CYRIB: variants seen among roughly 807,000 people sequenced by gnomAD.
CYRIB encodes CYFIP related Rac1 interactor B.
Under a neutral mutation model 44.2 loss-of-function variants are expected in CYRIB, and 8 were observed. That is an observed-to-expected ratio of 0.18 (90% confidence interval 0.11 to 0.33). CYRIB has a LOEUF of 0.33. Among genes scored for constraint, CYRIB ranks in the 10% least tolerant of loss-of-function variants. The pLI is 1.00. For missense variants in CYRIB, 185 were observed against 382.8 expected (o/e 0.48, Z 4.31); for synonymous variants, 131 against 127.2 (o/e 1.03, Z -0.20).
chr8:129,923,805 G>C (rs1261642552), intron 1 of CYRIB, among the ~76,000 whole-genome samples: 1 of 150,474 alleles, frequency 6.6e-6, no homozygotes, highest in Non-Finnish European at 1.5e-5. Flanking sequence ...ATGAAAAAGA[G>C]TAAAAACACT....
At chr8:129,951,290 C>T (rs966125187) in intron 2 of CYRIB, among the ~76,000 whole-genome samples, 8 of 151,810 alleles carry the variant, frequency 5.3e-5, no homozygotes, top group Non-Finnish European at 1.0e-4. Context: ...GGTGACAGAG[C>T]GAGACTCCAT....
intron 1 of CYRIB, among the ~76,000 whole-genome samples, chr8:129,913,930 T>A (rs1441890279): frequency 6.6e-6 from 1 of 152,244 alleles, no homozygotes. Flanking sequence ...TTGTCTTTTT[T>A]AAATGTAATG....
At chr8:129,985,155 A>G (rs768874142) in intron 1 of CYRIB, among the ~76,000 whole-genome samples, 1 of 151,826 alleles carries the variant, frequency 6.6e-6, no homozygotes, top group African/African-American at 2.4e-5. Context: ...AAGTTTCTTA[A>G]CCTCTCTGGG....
chr8:129,850,081 C>G (rs760288321), intron 9 of CYRIB: 2 of 152,340 alleles, frequency 1.3e-5, no homozygotes, highest in African/African-American at 2.4e-5. Flanking sequence ...CAGGACCTCA[C>G]TCCCTGAAGT....
At chr8:129,894,279 A>G (rs1341439144) in intron 2 of CYRIB, among the ~76,000 whole-genome samples, 1 of 152,206 alleles carries the variant, frequency 6.6e-6, no homozygotes. Context: ...CACAGGTACA[A>G]AGATTTCCTA....
intron 1 of CYRIB, among the ~76,000 whole-genome samples, chr8:129,916,122 A>G (rs2080636192): frequency 6.6e-6 from 1 of 152,210 alleles, no homozygotes; most frequent in African/African-American, 2.4e-5. Context: ...CAGTAATAAA[A>G]TGCAAATCTT....
intron 1 of CYRIB, among the ~76,000 whole-genome samples, chr8:129,923,067 A>G (rs1172068437): frequency 4.9e-5 from 6 of 122,226 alleles, no homozygotes; most frequent in Admixed American, 2.4e-4. Flanking sequence ...CGTCTCTACT[A>G]AAAAAAAAAA....
At chr8:129,987,665 G>T in intron 1 of CYRIB, among the ~76,000 whole-genome samples, 1 of 150,538 alleles carries the variant, frequency 6.6e-6, no homozygotes, top group East Asian at 1.9e-4. Context: ...CACCTCCTAG[G>T]TTCAAGCGAT....
chr8:129,871,578 C>T, intron 3 of CYRIB, 82 bp from the exon 6 acceptor site: 1 of 1,403,418 alleles, frequency 7.1e-7, no homozygotes, highest in East Asian at 2.4e-5. Flanking sequence ...AATTAACAAC[C>T]CAAATTTCCA....
exon 12 of CYRIB, chr8:129,842,062 T>A: frequency 1.1e-6 from 1 of 909,734 alleles, no homozygotes; most frequent in Non-Finnish European, 1.7e-6. Flanking sequence ...GAGATAGTAA[T>A]TGCAATCACT....
rs754080587 is a variant in CYRIB at position 129,847,122 on chromosome 8, C to T, written c.841-248G>A. 26 of 332,490 alleles carry T rather than the reference C, an allele frequency of 7.8e-5. 1 individual carries two copies. Among genetic ancestry groups the T allele is most frequent in the Non-Finnish European group, 1.2e-4 (22 of 184,494 alleles). The allele number at this position is 332,490 out of a possible 1,614,324, so 20.6% of individuals were successfully genotyped here. On this transcript the variant is annotated intron_variant, in intron 10 of 11. Transcript: ENST00000519824. ...TACCACACATGCAATGAAAAACAAA[C>T]GGTTTGCTAAGGGAAGACTTCTGGA...
chr8:129,988,171 T>A (rs1219559073), intron 1 of CYRIB, among the ~76,000 whole-genome samples: 1 of 152,176 alleles, frequency 6.6e-6, no homozygotes, highest in Admixed American at 6.5e-5. Flanking sequence ...CTCCTAGTCG[T>A]ACGAAACTGC....
At chr8:130,016,055 C>G (rs1254595543) in intron 1 of CYRIB, among the ~76,000 whole-genome samples, 3 of 151,448 alleles carry the variant, frequency 2.0e-5, no homozygotes, top group Admixed American at 6.6e-5. Context: ...GCACAAGGCG[C>G]CGGCTCCGCA....
rs545269653 is a variant in CYRIB at position 129,875,931 on chromosome 8, T to G, written c.73+3458A>C. Among the ~76,000 whole-genome samples the G allele has an allele frequency of 5.9e-5, 9 of 152,148 alleles. No homozygotes were observed. The South Asian group carries it at 1.5e-3, about 25-fold the overall frequency. On this transcript the variant is annotated intron_variant, in intron 3 of 11. Transcript: ENST00000519824. ...GAGTTTTAGACCAGCCTGGCCAACA[T>G]GGTGAAACCCCATCTCTACTAAAAA... is the stretch of plus-strand genomic sequence containing the variant.
At chr8:129,992,459 CAG>C (rs962182811) in intron 1 of CYRIB, among the ~76,000 whole-genome samples, 36 of 152,294 alleles carry the variant, frequency 2.4e-4, no homozygotes, top group African/African-American at 8.7e-4. Flanking sequence ...ACAAAGATAA[CAG>C]AGTTTCAGCC....
chr8:129,946,249 C>T (rs1208778429), intron 2 of CYRIB, among the ~76,000 whole-genome samples: 1 of 151,700 alleles, frequency 6.6e-6, no homozygotes, highest in Admixed American at 6.5e-5. Flanking sequence ...CTATATTTTG[C>T]TGCCAGCCTT....
chr8:129,935,540 G>C (rs1173465597), intron 1 of CYRIB, among the ~76,000 whole-genome samples: 1 of 152,170 alleles, frequency 6.6e-6, no homozygotes, highest in Non-Finnish European at 1.5e-5. Flanking sequence ...GAGTAATGCC[G>C]CTCACCTCCT....
intron 11 of CYRIB, among the ~76,000 whole-genome samples, chr8:129,845,436 G>A (rs146293401): frequency 3.3e-5 from 5 of 152,244 alleles, no homozygotes; most frequent in South Asian, 2.1e-4. Flanking sequence ...TGAAGTATGC[G>A]TTGTAAAAAC....
At chr8:129,913,476 A>C (rs2079119356) in intron 1 of CYRIB, among the ~76,000 whole-genome samples, 1 of 152,264 alleles carries the variant, frequency 6.6e-6, no homozygotes, top group African/African-American at 2.4e-5. Flanking sequence ...ACCAAAGCAC[A>C]TTCTTCAATG....
Sources: allele counts gnomAD v4.1 joint callset (sites outside exome capture counted in the v4.1 genomes callset), GRCh38; gene constraint gnomAD v4.1.1; transcripts MANE v1.5; gene names NCBI Gene and HGNC (gene_info 2026-07-23, HGNC 2026-07-21).